Variants in ATXN7L1 observed in about 807,000 individuals in gnomAD.
ATXN7L1 encodes the protein ataxin 7 like 1.
In ATXN7L1, 15 loss-of-function variants were observed where a neutral mutation model predicts 70.8. The observed-to-expected ratio is 0.21, with a 90% CI of 0.14 to 0.33. The LOEUF (loss-of-function observed/expected upper bound fraction) is 0.33. ATXN7L1 is among the 10% of genes least tolerant of loss of function. The pLI is 1.00. For missense variants in ATXN7L1, 975 were observed against 1,097.1 expected (o/e 0.89, Z 1.57); for synonymous variants, 440 against 445.1 (o/e 0.99, Z 0.14).
intron 3 of ATXN7L1, among the ~76,000 whole-genome samples, chr7:105,670,418 T>C (rs1294043413): frequency 4.6e-5 from 7 of 152,230 alleles, no homozygotes; most frequent in African/African-American, 7.2e-5. Context: ...ATTTAATACT[T>C]AAGCAATTTT....
chr7:105,862,414 G>A (rs1265256233), intron 2 of ATXN7L1, among the ~76,000 whole-genome samples: 1 of 152,140 alleles, frequency 6.6e-6, no homozygotes, highest in Non-Finnish European at 1.5e-5. Flanking sequence ...ACTCCAGCCT[G>A]GGCGACCGAG....
chr7:105,777,089 G>A (rs1035672659), intron 3 of ATXN7L1, among the ~76,000 whole-genome samples: 4 of 152,168 alleles, frequency 2.6e-5, no homozygotes, highest in African/African-American at 4.8e-5. Flanking sequence ...GGGACTCAGC[G>A]ATGCCCAAGG....
intron 3 of ATXN7L1, among the ~76,000 whole-genome samples, chr7:105,737,063 AC>A (rs773516342): frequency 7.5e-4 from 115 of 152,338 alleles, no homozygotes; most frequent in Middle Eastern, 3.4e-3. Context: ...GACCATGAGG[AC>A]TTTTAAAAAA....
intron 3 of ATXN7L1, among the ~76,000 whole-genome samples, chr7:105,681,449 G>A (rs1014492922): frequency 5.9e-5 from 9 of 152,188 alleles, no homozygotes; most frequent in African/African-American, 2.2e-4. Flanking sequence ...GTGCACTGTT[G>A]GTGGGAATGT....
At position 105,719,849 on chromosome 7, in the gene ATXN7L1, C is replaced by T. The variant is rs968564801; in HGVS notation, c.356-54561G>A. 6.6e-5 allele frequency among the ~76,000 whole-genome samples: 10 copies of T among 152,248 alleles called. No individual in the cohort carries two copies. In the East Asian group the frequency reaches 1.7e-3, roughly 26 times the overall value. On this transcript the variant is annotated intron_variant, in intron 3 of 11. Coordinates refer to ENST00000419735, the MANE Select transcript of ATXN7L1 (RefSeq NM_020725.2). Reference sequence around the variant, plus strand: ...GAGTAGATTTCTGCTTTTCAGCAAGCGCAGGGAACAGAAAGATCCAGCTGT... The same window carrying T: ...GAGTAGATTTCTGCTTTTCAGCAAGTGCAGGGAACAGAAAGATCCAGCTGT...
intron 2 of ATXN7L1, among the ~76,000 whole-genome samples, chr7:105,871,970 C>T (rs1347429234): frequency 6.6e-6 from 1 of 151,770 alleles, no homozygotes; most frequent in Non-Finnish European, 1.5e-5. Context: ...GAAGTTGTGG[C>T]CAGATAGAGG....
chr7:105,844,687 C>T (rs1813712782), intron 2 of ATXN7L1, among the ~76,000 whole-genome samples: 1 of 152,222 alleles, frequency 6.6e-6, no homozygotes, highest in Non-Finnish European at 1.5e-5. Context: ...TGTCCACTCT[C>T]ACCATCAGTA....
At chr7:105,873,155 A>G (rs1370217950) in intron 2 of ATXN7L1, among the ~76,000 whole-genome samples, 5 of 49,278 alleles carry the variant, frequency 1.0e-4, no homozygotes, top group African/African-American at 3.0e-4. Flanking sequence ...CTCCGTCTCA[A>G]AAAAACAAAA....
chr7:105,867,622 C>T (rs142616608), intron 2 of ATXN7L1, among the ~76,000 whole-genome samples: 1 of 152,352 alleles, frequency 6.6e-6, no homozygotes. Context: ...CCAAATGTAG[C>T]TCAGCGCCAG....
rs541693606 is a variant in ATXN7L1 at position 105,605,090 on chromosome 7, C to A, written c.*2762G>T. On this transcript the variant is annotated 3_prime_UTR_variant, in exon 12 of 12. Transcript: ENST00000419735. ...TTATGGCTGACAGGTCTATGCATTG[C>A]GTTATGCTTCACAACCAGAGCTTTC... 8 of 110,924 alleles carry A rather than the reference C, an allele frequency of 7.2e-5. No homozygotes were observed. In the East Asian group the frequency reaches 2.4e-3, roughly 34 times the overall value. 6.9% of individuals were successfully genotyped at this position (110,924 alleles called of 1,614,324 possible). A position where few individuals can be genotyped will look rare whatever the true frequency, so the allele number is the denominator to read the frequency against.
At chr7:105,639,337 C>A (rs1797842030) in intron 6 of ATXN7L1, 150 bp downstream of exon 6, 1 of 524,218 alleles carries the variant, frequency 1.9e-6, no homozygotes, top group Middle Eastern at 3.8e-4. Context: ...ACTCTGCTAC[C>A]ATGGACGAGA....
At chr7:105,742,756 T>C (rs979389538) in intron 3 of ATXN7L1, among the ~76,000 whole-genome samples, 14 of 152,212 alleles carry the variant, frequency 9.2e-5, no homozygotes, top group African/African-American at 1.7e-4. Context: ...TTATTTTCCA[T>C]ATTCATACTT....
chr7:105,831,317 CAGG>C (rs756303486), intron 2 of ATXN7L1, among the ~76,000 whole-genome samples: 3 of 152,236 alleles, frequency 2.0e-5, no homozygotes, highest in Admixed American at 6.5e-5. Context: ...TAGGCTCATT[CAGG>C]AGGTCTCCTA....
intron 3 of ATXN7L1, among the ~76,000 whole-genome samples, chr7:105,748,414 T>C (rs1013581229): frequency 1.2e-4 from 19 of 152,044 alleles, no homozygotes; most frequent in Non-Finnish European, 2.8e-4. Flanking sequence ...CAATAAAGGG[T>C]TGGGGAGGTT....
At chr7:105,732,529 T>G (rs1009851377) in intron 3 of ATXN7L1, among the ~76,000 whole-genome samples, 1 of 152,248 alleles carries the variant, frequency 6.6e-6, no homozygotes. Context: ...AATAAATTCA[T>G]AGTTTGATTT....
intron 3 of ATXN7L1, among the ~76,000 whole-genome samples, chr7:105,786,284 C>T (rs1563091352): frequency 6.6e-6 from 1 of 152,190 alleles, no homozygotes; most frequent in Non-Finnish European, 1.5e-5. Flanking sequence ...AAGCCATGGG[C>T]TGTCCCCTAA....
chr7:105,829,094 G>C (rs1437773431), intron 2 of ATXN7L1, among the ~76,000 whole-genome samples: 1 of 152,126 alleles, frequency 6.6e-6, no homozygotes. Flanking sequence ...TTGACAGGCT[G>C]CCTGCTCAGT....
In ATXN7L1 at chr7:105,612,969, C is replaced by T. The variant is rs560479357; in HGVS notation, c.2472+893G>A. ...CACTGCCCTGATGGGTCTAGGCTCC[C>T]GGGCAGGTTGGCCGGCCCTCTCGTC... is the stretch of plus-strand genomic sequence containing the variant. On this transcript the variant is annotated intron_variant, in intron 10 of 11. Coordinates refer to ENST00000419735, the MANE Select transcript of ATXN7L1 (RefSeq NM_020725.2). Among the ~76,000 whole-genome samples, 18 of 152,276 alleles carry T rather than the reference C, an allele frequency of 1.2e-4. 1 individual carries two copies. The Middle Eastern group carries it at 0.01, about 86-fold the overall frequency.
chr7:105,642,822 C>G lies in ATXN7L1; in HGVS notation c.862+16G>C. The G allele has an allele frequency of 1.3e-6, 2 of 1,545,350 alleles. No homozygotes were observed. Among genetic ancestry groups the G allele is most frequent in the Non-Finnish European group, 1.7e-6 (2 of 1,143,120 alleles). On this transcript the variant is annotated intron_variant, in intron 5 of 11. Transcript: ENST00000419735. ...AGTCTAATCATGAGTCAGACCCTGA[C>G]GACACTGACACATACCTGAAAGTCT...
Sources: allele counts gnomAD v4.1 joint callset (sites outside exome capture counted in the v4.1 genomes callset), GRCh38; gene constraint gnomAD v4.1.1; transcripts MANE v1.5; gene names NCBI Gene and HGNC (gene_info 2026-07-23, HGNC 2026-07-21).